The following MYO7B variants were observed in gnomAD, a reference collection of about 807,000 sequenced individuals.
MYO7B encodes the protein unconventional myosin-VIIb.
Under a neutral mutation model 259.7 loss-of-function variants are expected in MYO7B, and 212 were observed. That is an observed-to-expected ratio of 0.82 (90% CI 0.73 to 0.91). The LOEUF is 0.91. Among genes scored for constraint, MYO7B ranks in the 40% least tolerant of loss-of-function variants. MYO7B has a pLI of 0.00. For missense variants in MYO7B, 2,732 were observed against 2,813.5 expected (o/e 0.97, Z 0.66); for synonymous variants, 1,197 against 1,166.4 (o/e 1.03, Z -0.54).
At chr2:127,601,505 G>A (rs1158786338) in intron 19 of MYO7B, among the ~76,000 whole-genome samples, 1 of 152,078 alleles carries the variant, frequency 6.6e-6, no homozygotes, top group Admixed American at 6.5e-5. Flanking sequence ...TGAACACACA[G>A]TTAGGATTGC....
chr2:127,636,424 T>A lies in MYO7B; in HGVS notation c.6123+100T>A, dbSNP rs1202063287. 6.9e-7 allele frequency: 1 copy of A among 1,439,910 alleles called. No homozygotes were observed. Among genetic ancestry groups the A allele is most frequent in the Non-Finnish European group, 9.7e-7 (1 of 1,033,256 alleles). 89.2% of individuals were successfully genotyped at this position (1,439,910 alleles called of 1,614,324 possible). A position where few individuals can be genotyped will look rare whatever the true frequency, so the allele number is the denominator to read the frequency against. Reference sequence around the variant, plus strand: ...AACCAGCACACATCTTGGGTGGGGCTGGCCGTGAGGCTGGAGGGCGTGGGT... The same window carrying A: ...AACCAGCACACATCTTGGGTGGGGCAGGCCGTGAGGCTGGAGGGCGTGGGT... On this transcript the variant is annotated intron_variant, in intron 45 of 47. Coordinates refer to ENST00000409816, the MANE Select transcript of MYO7B (RefSeq NM_001393586.1). This position sits in a 1 kb window ranked among gnomAD's most constrained non-coding sequence, Gnocchi z 4.5.
intron 4 of MYO7B, among the ~76,000 whole-genome samples, chr2:127,565,909 C>T (rs895016710): frequency 2.6e-5 from 4 of 152,238 alleles, no homozygotes; most frequent in East Asian, 1.9e-4. Flanking sequence ...ATTCCAAAAC[C>T]GACACCAGTT....
Position 127,564,248 on chromosome 2 carries a change from T to G in MYO7B, c.114T>G (p.Val38=). 5 of 1,575,434 alleles carry G rather than the reference T, an allele frequency of 3.2e-6. No individual in the cohort carries two copies. The highest frequency in any genetic ancestry group is 4.3e-6 in the Non-Finnish European group (5 of 1,160,718). The change falls in exon 3 of 48, where the codon GTT becomes GTG. Residue 38 remains valine (V), a synonymous_variant. Coordinates refer to ENST00000409816, the MANE Select transcript of MYO7B (RefSeq NM_001393586.1). ...IKEAKPGKVL[V]EDDEGKEHWI... ...AGGCAAAGCCAGGCAAAGTCTTGGT[T>G]GAAGATGACGAGGGCAAGGTCAGTG...
At position 127,627,568 on chromosome 2, in the gene MYO7B, G is replaced by A. The variant is rs1055091743; in HGVS notation, c.4460+258G>A. 10 of 600,678 alleles carry A rather than the reference G, an allele frequency of 1.7e-5. No individual in the cohort carries two copies. In the East Asian group the frequency reaches 1.9e-4, roughly 11 times the overall value. The allele number at this position is 600,678 out of a possible 1,614,324, so 37.2% of individuals were successfully genotyped here. Reference sequence around the variant, plus strand: ...TTCTCTTTGAAACCCAGGTCCACCCGGAAGGGGCAGGGAAGCGTGCAGCCT... The same window carrying A: ...TTCTCTTTGAAACCCAGGTCCACCCAGAAGGGGCAGGGAAGCGTGCAGCCT... On this transcript the variant is annotated intron_variant, in intron 33 of 47. Transcript: ENST00000409816. The surrounding 1 kb of genome is among the most constrained non-coding windows in gnomAD (Gnocchi z 5.6).
In MYO7B at chr2:127,636,825, T is replaced by C. The variant is rs1681852028; in HGVS notation, c.6239T>C (p.Ile2080Thr). The stretch of plus-strand genomic sequence containing the variant: ...CTCACCACCTATCCCTTCACCAAGA[T>C]CTCCAGCTGGAGCAGCGGCAGCACC... ...DLLTTYPFTK[I>T]SSWSSGSTYF... The change falls in exon 47 of 48, where the codon ATC (isoleucine) becomes ACC (threonine). Residue 2080 changes from isoleucine to threonine, a missense_variant. By Grantham distance (89) the Ile-to-Thr change is moderately conservative. Around this residue, in one of 3 missense-constraint regions of MYO7B, gnomAD observed 821 missense variants for 769.3 expected, o/e 1.07. Transcript: ENST00000409816. This position sits in a 1 kb window ranked among gnomAD's most constrained non-coding sequence, Gnocchi z 4.5. The C allele has an allele frequency of 6.4e-7, 1 of 1,566,596 alleles. No homozygotes were observed. The highest frequency in any genetic ancestry group is 8.7e-7 in the Non-Finnish European group (1 of 1,151,734).
Position 127,634,289 on chromosome 2 carries a change from G to A in MYO7B, c.5625G>A (p.Lys1875=), listed in dbSNP as rs1252925102. The change falls in exon 41 of 48, where the codon AAG becomes AAA. Residue 1875 remains lysine (K), a splice_region_variant and synonymous_variant. Transcript: ENST00000409816. ...GCCTCTTCATCAAGATTTCAGACAA[G>A]GTGGGCCGGGCTGGGGCTGGGCAGA... ...GCSLFIKISD[K]VISQKEGDFF... 6.4e-7 allele frequency: 1 copy of A among 1,571,510 alleles called. No homozygotes were observed.
In MYO7B at chr2:127,636,710, G is replaced by A. The variant is rs1403429817; in HGVS notation, c.6207+82G>A. 10 of 1,609,844 alleles carry A rather than the reference G, an allele frequency of 6.2e-6. No homozygotes were observed. In the East Asian group the frequency reaches 1.8e-4, roughly 29 times the overall value. ...GTGGGGCTGCAGTCATCTCTGCGGT[G>A]TGTCCTGCCTCTCTCCTGTCCCCTA... is the stretch of plus-strand genomic sequence containing the variant. On this transcript the variant is annotated intron_variant, in intron 46 of 47. Coordinates refer to ENST00000409816, the MANE Select transcript of MYO7B (RefSeq NM_001393586.1). The surrounding 1 kb of genome is among the most constrained non-coding windows in gnomAD (Gnocchi z 4.5).
In MYO7B at chr2:127,636,707, G is replaced by C; in HGVS notation, c.6207+79G>C. 1 of 1,609,048 alleles carries C rather than the reference G, an allele frequency of 6.2e-7. No homozygotes were observed. The highest frequency in any genetic ancestry group is 8.5e-7 in the Non-Finnish European group (1 of 1,177,364). Reference sequence around the variant, plus strand: ...CAGGTGGGGCTGCAGTCATCTCTGCGGTGTGTCCTGCCTCTCTCCTGTCCC... The same window carrying C: ...CAGGTGGGGCTGCAGTCATCTCTGCCGTGTGTCCTGCCTCTCTCCTGTCCC... On this transcript the variant is annotated intron_variant, in intron 46 of 47. Transcript: ENST00000409816. This position sits in a 1 kb window ranked among gnomAD's most constrained non-coding sequence, Gnocchi z 4.5.
chr2:127,621,202 A>G (rs1344221889), intron 27 of MYO7B, among the ~76,000 whole-genome samples: 1 of 152,118 alleles, frequency 6.6e-6, no homozygotes, highest in Non-Finnish European at 1.5e-5. Context: ...TGAGACAAAA[A>G]GAACTTCAAT....
chr2:127,629,888 G>A, intron 35 of MYO7B, 62 bp downstream of exon 35: 1 of 1,453,134 alleles, frequency 6.9e-7, no homozygotes, highest in South Asian at 1.5e-5. Flanking sequence ...AGCAGTCCTG[G>A]GATGCCTAGT....
intron 6 of MYO7B, among the ~76,000 whole-genome samples, chr2:127,570,401 G>T (rs1030255088): frequency 6.6e-6 from 1 of 152,204 alleles, no homozygotes; most frequent in Non-Finnish European, 1.5e-5. Flanking sequence ...GGTCGGGAGA[G>T]GCTCACGCTG....
chr2:127,575,571 A>G (rs1253763275), intron 7 of MYO7B, among the ~76,000 whole-genome samples: 3 of 152,340 alleles, frequency 2.0e-5, no homozygotes, highest in East Asian at 3.9e-4. Context: ...TTGTGTAAAA[A>G]AAAAGAAACA....
At chr2:127,549,147 TCTTCCTTC>T (rs199598753) in intron 1 of MYO7B, among the ~76,000 whole-genome samples, 4 of 142,906 alleles carry the variant, frequency 2.8e-5, no homozygotes, top group Non-Finnish European at 6.0e-5. Context: ...CTTTCTTCTT[TCTTCCTTC>T]CTTCCTTCCT....
rs1159590493 is a variant in MYO7B, at chr2:127,607,347, A to G, written c.2566A>G (p.Arg856Gly). Residue 856 changes from arginine (R) to glycine (G), a missense_variant, in exon 21 of 48, where the codon AGG becomes GGG. By Grantham distance (125) the Arg-to-Gly change is moderately radical (BLOSUM62 -2). Around this residue, in one of 3 missense-constraint regions of MYO7B, gnomAD observed 1,906 missense variants for 2,026.4 expected, o/e 0.94. Coordinates refer to ENST00000409816, the MANE Select transcript of MYO7B (RefSeq NM_001393586.1). This position sits in a 1 kb window ranked among gnomAD's most constrained non-coding sequence, Gnocchi z 4.4. The part of the protein sequence containing the change: ...YLVRQQVQAK[R>G]RAVVVIQAHA... ...GGTGCGCCAGCAAGTCCAGGCCAAG[A>G]GGAGGGCAGTGGTGGTCATTCAGGC... The G allele has an allele frequency of 3.9e-6, 6 of 1,551,380 alleles. No individual in the cohort carries two copies. The African/African-American group carries it at 6.8e-5, about 18-fold the overall frequency.
chr2:127,576,474 G>C lies in MYO7B; in HGVS notation c.736-121G>C. Reference sequence around the variant, plus strand: ...CTGGCCCTGGGTCAGTGCCAGAGCTGCTCCTGGCTGAGAGATGTGGAGCGG... The same window carrying C: ...CTGGCCCTGGGTCAGTGCCAGAGCTCCTCCTGGCTGAGAGATGTGGAGCGG... On this transcript the variant is annotated intron_variant, in intron 7 of 47. Transcript: ENST00000409816. This position sits in a 1 kb window ranked among gnomAD's most constrained non-coding sequence, Gnocchi z 4.9. 1 of 593,742 alleles carries C rather than the reference G, an allele frequency of 1.7e-6. No individual in the cohort carries two copies. The highest frequency in any genetic ancestry group is 2.8e-6 in the Non-Finnish European group (1 of 351,916). 36.8% of individuals were successfully genotyped at this position (593,742 alleles called of 1,614,324 possible).
rs888583753 is a variant in MYO7B, at chr2:127,586,050, A to C, written c.1690+1137A>C. Among the ~76,000 whole-genome samples, 2 of 152,206 alleles carry C rather than the reference A, an allele frequency of 1.3e-5. No individual in the cohort carries two copies. The highest frequency in any genetic ancestry group is 2.9e-5 in the Non-Finnish European group (2 of 68,044). ...TGCTTGACGGTGTCCTTTGAGGCCC[A>C]AAAAGCTTTCATTTTGAAGAAGTCC... On this transcript the variant is annotated intron_variant, in intron 14 of 47. Coordinates refer to ENST00000409816, the MANE Select transcript of MYO7B (RefSeq NM_001393586.1). This position sits in a 1 kb window ranked among gnomAD's most constrained non-coding sequence, Gnocchi z 4.8.
chr2:127,635,133 G>A lies in MYO7B; in HGVS notation c.5727G>A (p.Thr1909=), dbSNP rs377168438. 3.9e-5 allele frequency: 63 copies of A among 1,612,558 alleles called. No homozygotes were observed. The highest frequency in any genetic ancestry group is 4.9e-5 in the Non-Finnish European group (58 of 1,179,480). The change falls in exon 43 of 48, where the codon ACG becomes ACA. Residue 1909 remains threonine, a synonymous_variant. Transcript: ENST00000409816. ...GCCCTCGCCCAGGGGCCCCCGTGAC[G>A]CTCCCCTACCAGGTGTACTTCATGC... ...NKPQKEGAPV[T]LPYQVYFMRK...
At chr2:127,592,402 T>A (rs752788081) in intron 16 of MYO7B, among the ~76,000 whole-genome samples, 31 of 151,998 alleles carry the variant, frequency 2.0e-4, no homozygotes, top group African/African-American at 1.9e-4. Flanking sequence ...CTCAAAAAAA[T>A]AAATAAATAA....
At chr2:127,637,010 G>T in intron 47 of MYO7B, 97 bp downstream of exon 47, 1 of 1,550,998 alleles carries the variant, frequency 6.4e-7, no homozygotes, top group Non-Finnish European at 8.7e-7. Flanking sequence ...CTCACTAAGA[G>T]GGCTCAGTCA....
Sources: gnomAD v4.1 joint callset for allele counts (sites outside exome capture counted in the v4.1 genomes callset) on GRCh38, gnomAD v4.1.1 for gene constraint, gnomAD v4.1.1 regional missense constraint, Gnocchi (gnomAD v3.1) non-coding constraint, MANE v1.5 for transcripts, NCBI Gene and HGNC (gene_info 2026-07-23, HGNC 2026-07-21) for gene names.